TMEM11: variants seen among roughly 807,000 people sequenced by gnomAD.
TMEM11 encodes transmembrane protein 11.
In TMEM11, 1 loss-of-function variant was observed where a neutral mutation model predicts 17.0. The ratio of observed to expected loss-of-function variants is 0.06; its 90% confidence interval spans 0.02 to 0.28. The LOEUF (loss-of-function observed/expected upper bound fraction) is 0.28, where lower values mean the gene tolerates loss of function less well. TMEM11 is among the 10% of genes least tolerant of loss of function. The pLI, the probability that TMEM11 is intolerant of heterozygous loss-of-function variation, is 1.00. For synonymous variants in TMEM11, 122 were observed against 118.1 expected (o/e 1.03, Z -0.21); for missense variants, 172 against 252.9 (o/e 0.68, Z 2.17).
At chr17:21,199,785 G>A (rs1053680722) in intron 1 of TMEM11, among the ~76,000 whole-genome samples, 1 of 152,200 alleles carries the variant, frequency 6.6e-6, no homozygotes, top group Non-Finnish European at 1.5e-5. Flanking sequence ...CCCCGCTGCG[G>A]AGGGGAGAAG....
At chr17:21,200,075 C>G (rs1974866572) in intron 1 of TMEM11, among the ~76,000 whole-genome samples, 2 of 152,228 alleles carry the variant, frequency 1.3e-5, no homozygotes, top group Non-Finnish European at 2.9e-5. Flanking sequence ...ATGTCATGAC[C>G]CCAACCAGCA....
chr17:21,199,679 T>G (rs1330637225), intron 1 of TMEM11, among the ~76,000 whole-genome samples: 3 of 152,178 alleles, frequency 2.0e-5, no homozygotes, highest in Admixed American at 2.0e-4. Context: ...AGCTTTGCCT[T>G]GGGCGAATGA....
chr17:21,208,024 GCT>G (rs1974962156), intron 1 of TMEM11, among the ~76,000 whole-genome samples: 1 of 144,802 alleles, frequency 6.9e-6, no homozygotes, highest in Non-Finnish European at 1.5e-5. Flanking sequence ...ACGGAGTCTC[GCT>G]CTGTCGCCCA....
intron 1 of TMEM11, among the ~76,000 whole-genome samples, chr17:21,204,101 G>A (rs1315379672): frequency 7.4e-6 from 1 of 135,074 alleles, no homozygotes; most frequent in Non-Finnish European, 1.6e-5. Flanking sequence ...CAGTAAGAGA[G>A]CAATTAATAG....
intron 1 of TMEM11, among the ~76,000 whole-genome samples, chr17:21,210,306 G>A (rs1448260897): frequency 6.6e-6 from 1 of 152,168 alleles, no homozygotes; most frequent in East Asian, 1.9e-4. Flanking sequence ...CCTTACCTAC[G>A]AATCCAACTT....
At chr17:21,210,880 G>A (rs1276870216) in intron 1 of TMEM11, 1 of 1,230,132 alleles carries the variant, frequency 8.1e-7, no homozygotes, top group Non-Finnish European at 1.0e-6. Context: ...AGCAGATCAA[G>A]TACATCTTCA....
At chr17:21,204,099 G>C (rs562367951) in intron 1 of TMEM11, among the ~76,000 whole-genome samples, 1 of 135,660 alleles carries the variant, frequency 7.4e-6, no homozygotes, top group Non-Finnish European at 1.6e-5. Context: ...ACCAGTAAGA[G>C]AGCAATTAAT....
At chr17:21,212,337 T>C (rs1310921115) in intron 1 of TMEM11, among the ~76,000 whole-genome samples, 1 of 151,458 alleles carries the variant, frequency 6.6e-6, no homozygotes, top group African/African-American at 2.4e-5. Context: ...GGCAAATGCA[T>C]TGAGTCAAGC....
At position 21,198,348 on chromosome 17, in the gene TMEM11, C is replaced by G; in HGVS notation, c.555G>C (p.Lys185Asn). ...ALAALVYCVK[K>N]IYELYAV The stretch of plus-strand genomic sequence containing the variant: ...ATCATACGGCATAGAGTTCGTAAAT[C>G]TTCTTTACACAGTACACCAGGGCGG... Residue 185 changes from lysine (K) to asparagine (N), a missense_variant, in exon 2 of 2, where the codon AAG becomes AAC. Physicochemically the swap from Lys to Asn is moderately conservative, Grantham distance 94. This residue lies in a region of TMEM11 where 123 missense variants were observed against 213.6 expected (regional missense o/e 0.58). Transcript: ENST00000317635. This position sits in a 1 kb window ranked among gnomAD's most constrained non-coding sequence, Gnocchi z 6.5. The G allele has an allele frequency of 6.2e-7, 1 of 1,612,552 alleles. No homozygotes were observed. Among genetic ancestry groups the G allele is most frequent in the Non-Finnish European group, 8.5e-7 (1 of 1,178,724 alleles).
At chr17:21,207,848 A>G (rs1243699120) in intron 1 of TMEM11, among the ~76,000 whole-genome samples, 1 of 151,722 alleles carries the variant, frequency 6.6e-6, no homozygotes, top group Non-Finnish European at 1.5e-5. Flanking sequence ...AGATCACACC[A>G]CTGCACTCCA....
At chr17:21,207,028 C>T (rs1567636727) in intron 1 of TMEM11, among the ~76,000 whole-genome samples, 1 of 152,274 alleles carries the variant, frequency 6.6e-6, no homozygotes, top group South Asian at 2.1e-4. Flanking sequence ...ATCTCCCCAG[C>T]CCTCCACAAC....
rs1974886263 is a variant in TMEM11 at position 21,201,836 on chromosome 17, T to TG, written c.63-2997dup. ...TTGTACAGATGGGGTTATGCCATGTTGCCCAGGCTGGTCTCGAACTCCTGG... is the reference window on the plus strand; with the variant it reads ...TTGTACAGATGGGGTTATGCCATGTTGGCCCAGGCTGGTCTCGAACTCCTGG... On this transcript the variant is annotated intron_variant, in intron 1 of 1. Coordinates refer to ENST00000317635, the MANE Select transcript of TMEM11 (RefSeq NM_003876.3). 2.0e-5 allele frequency among the ~76,000 whole-genome samples: 3 copies of TG among 152,354 alleles called. No individual in the cohort carries two copies. The South Asian group carries it at 6.2e-4, about 32-fold the overall frequency.
intron 1 of TMEM11, 110 bp downstream of exon 1, chr17:21,213,981 G>A: frequency 9.3e-7 from 1 of 1,071,366 alleles, no homozygotes; most frequent in Non-Finnish European, 1.3e-6. Flanking sequence ...GAGGGTAGGG[G>A]GAGCGCGGGG....
At chr17:21,201,203 G>T (rs1974879587) in intron 1 of TMEM11, among the ~76,000 whole-genome samples, 1 of 152,218 alleles carries the variant, frequency 6.6e-6, no homozygotes, top group African/African-American at 2.4e-5. Context: ...GTGCCCCCAA[G>T]CATGGGGACC....
At chr17:21,209,226 G>A (rs748871576) in intron 1 of TMEM11, among the ~76,000 whole-genome samples, 11 of 152,232 alleles carry the variant, frequency 7.2e-5, no homozygotes, top group South Asian at 2.1e-4. Flanking sequence ...GCAGGAACAC[G>A]GCGCACCAAG....
intron 1 of TMEM11, among the ~76,000 whole-genome samples, chr17:21,199,328 G>GGAAAAAAAAAA (rs534888975): frequency 1.0e-4 from 8 of 78,304 alleles, no homozygotes; most frequent in Non-Finnish European, 1.9e-4. Context: ...CTCAGTCTCA[G>GGAAAAAAAAAA]AAAAAAAAAA....
chr17:21,213,517 A>G (rs568323339), intron 1 of TMEM11: 1 of 153,274 alleles, frequency 6.5e-6, no homozygotes, highest in Admixed American at 6.5e-5. Context: ...GAACCATCCA[A>G]AAGTCTTCAG....
intron 1 of TMEM11, among the ~76,000 whole-genome samples, chr17:21,208,053 C>T (rs74606239): frequency 1.3e-5 from 2 of 148,970 alleles, no homozygotes; most frequent in Non-Finnish European, 3.0e-5. Flanking sequence ...AGTGCAGTGG[C>T]GTGATCTTGG....
At chr17:21,201,529 G>A (rs1214110972) in intron 1 of TMEM11, among the ~76,000 whole-genome samples, 1 of 152,170 alleles carries the variant, frequency 6.6e-6, no homozygotes, top group Non-Finnish European at 1.5e-5. Context: ...ATGGGGAAAG[G>A]AGGGTTTTCC....
Sources: gnomAD v4.1 joint callset for allele counts (sites outside exome capture counted in the v4.1 genomes callset) on GRCh38, gnomAD v4.1.1 for gene constraint, gnomAD v4.1.1 regional missense constraint, Gnocchi (gnomAD v3.1) non-coding constraint, MANE v1.5 for transcripts, NCBI Gene and HGNC (gene_info 2026-07-23, HGNC 2026-07-21) for gene names.